Variants in PTPRN2 observed in about 807,000 individuals in gnomAD.
PTPRN2 encodes protein tyrosine phosphatase receptor type N2, also known as receptor-type tyrosine-protein phosphatase N2.
Under a neutral mutation model 118.8 loss-of-function variants are expected in PTPRN2, and 74 were observed. The ratio of observed to expected loss-of-function variants is 0.62; its 90% CI spans 0.52 to 0.76. The LOEUF (loss-of-function observed/expected upper bound fraction) is 0.76, where lower values mean the gene tolerates loss of function less well. Among genes scored for constraint, PTPRN2 ranks in the 30% least tolerant of loss-of-function variants. The probability of loss-of-function intolerance (pLI) is 0.00; values close to 1 mark genes in which losing one functional copy is unlikely to be tolerated. For missense variants in PTPRN2, 1,481 were observed against 1,394.4 expected (o/e 1.06, Z -0.99); for synonymous variants, 641 against 608.0 (o/e 1.05, Z -0.80).
intron 1 of PTPRN2, among the ~76,000 whole-genome samples, chr7:158,514,255 C>T (rs1823380771): frequency 6.6e-6 from 1 of 152,178 alleles, no homozygotes; most frequent in South Asian, 2.1e-4. Context: ...CCCCTGAAAA[C>T]ACAGCAGTAC....
At chr7:158,087,727 CTT>C (rs1813570709) in intron 10 of PTPRN2, among the ~76,000 whole-genome samples, 1 of 126,712 alleles carries the variant, frequency 7.9e-6, no homozygotes, top group African/African-American at 2.8e-5. Context: ...TCACACAAAC[CTT>C]CTTCCCTTGA....
chr7:158,448,297 A>G (rs1817864612), intron 2 of PTPRN2, among the ~76,000 whole-genome samples: 1 of 152,246 alleles, frequency 6.6e-6, no homozygotes, highest in Admixed American at 6.5e-5. Flanking sequence ...TATTTATTAT[A>G]CATTTTCTAA....
intron 11 of PTPRN2, among the ~76,000 whole-genome samples, chr7:158,077,535 GTCA>G: frequency 3.9e-5 from 1 of 25,520 alleles, no homozygotes; most frequent in Admixed American, 3.8e-4. Context: ...ACCATTCAGG[GTCA>G]GCACAGGAGC....
intron 3 of PTPRN2, among the ~76,000 whole-genome samples, chr7:158,257,212 C>A (rs1369698688): frequency 6.6e-6 from 1 of 152,194 alleles, no homozygotes; most frequent in Non-Finnish European, 1.5e-5. Flanking sequence ...TGTGGAGAGA[C>A]CCGGGCACAC....
chr7:158,507,234 C>G (rs1009114237), intron 1 of PTPRN2, among the ~76,000 whole-genome samples: 1 of 150,648 alleles, frequency 6.6e-6, no homozygotes, highest in Admixed American at 6.6e-5. Flanking sequence ...AAATTGCACA[C>G]AGAGAGGTCA....
intron 3 of PTPRN2, among the ~76,000 whole-genome samples, chr7:158,223,281 T>C (rs1398185289): frequency 6.6e-6 from 1 of 152,152 alleles, no homozygotes; most frequent in African/African-American, 2.4e-5. Context: ...ATAAATATCT[T>C]CCAGAAAATA....
At chr7:158,188,130 C>T (rs1231925170) in intron 5 of PTPRN2, among the ~76,000 whole-genome samples, 2 of 146,914 alleles carry the variant, frequency 1.4e-5, no homozygotes, top group African/African-American at 5.0e-5. Flanking sequence ...TGTCCTAGTG[C>T]AGAGGCAGCC....
chr7:158,240,489 C>T (rs1389049044), intron 3 of PTPRN2, among the ~76,000 whole-genome samples: 1 of 152,172 alleles, frequency 6.6e-6, no homozygotes, highest in Admixed American at 6.5e-5. Context: ...AGTGCAGTAG[C>T]GTGATCTCAG....
chr7:157,998,833 A>G (rs965426704), intron 11 of PTPRN2, among the ~76,000 whole-genome samples: 2 of 151,920 alleles, frequency 1.3e-5, no homozygotes, highest in East Asian at 3.9e-4. Flanking sequence ...AAAAAAAAAA[A>G]AAAACTCTAC....
At chr7:157,766,271 C>T (rs1474452261) in intron 12 of PTPRN2, among the ~76,000 whole-genome samples, 1 of 151,278 alleles carries the variant, frequency 6.6e-6, no homozygotes, top group Non-Finnish European at 1.5e-5. Flanking sequence ...TCCATCCTTC[C>T]ATCCATTCAC....
intron 6 of PTPRN2, among the ~76,000 whole-genome samples, chr7:158,151,720 C>G (rs188898930): frequency 6.6e-6 from 1 of 152,144 alleles, no homozygotes; most frequent in Non-Finnish European, 1.5e-5. Flanking sequence ...CTCCCTCCCT[C>G]CCTTGCTAGC....
At chr7:158,421,601 A>G (rs1439582299) in intron 2 of PTPRN2, among the ~76,000 whole-genome samples, 1 of 152,194 alleles carries the variant, frequency 6.6e-6, no homozygotes, top group Non-Finnish European at 1.5e-5. Context: ...TGCTTTTAGG[A>G]CAGCTGGGTA....
intron 1 of PTPRN2, among the ~76,000 whole-genome samples, chr7:158,491,983 C>G (rs936702467): frequency 2.0e-5 from 3 of 152,172 alleles, no homozygotes; most frequent in Admixed American, 2.0e-4. Context: ...AGACACCACT[C>G]CCCACAAAAG....
At chr7:158,020,883 T>C (rs546434316) in intron 11 of PTPRN2, among the ~76,000 whole-genome samples, 1 of 152,274 alleles carries the variant, frequency 6.6e-6, no homozygotes, top group South Asian at 2.1e-4. Flanking sequence ...GCCGGAAGTG[T>C]GGATGCCGTC....
intron 1 of PTPRN2, chr7:158,541,861 A>C (rs1430276151): frequency 2.1e-6 from 1 of 471,856 alleles, no homozygotes; most frequent in African/African-American, 2.1e-5. Context: ...CCTGCTTCCA[A>C]TTCAGGGAGC....
chr7:158,310,413 C>A (rs1024665986), intron 3 of PTPRN2, among the ~76,000 whole-genome samples: 1 of 152,234 alleles, frequency 6.6e-6, no homozygotes. Flanking sequence ...CACTATCGGA[C>A]GGTGGAGAAG....
At chr7:157,803,124 C>T (rs59763764) in intron 12 of PTPRN2, among the ~76,000 whole-genome samples, 2,049 of 152,108 alleles carry the variant, frequency 0.013, 41 homozygotes, top group African/African-American at 0.044. Flanking sequence ...GCCATCACAC[C>T]CAGCTAATTT....
At chr7:158,347,277 G>A (rs558260899) in intron 2 of PTPRN2, among the ~76,000 whole-genome samples, 137 of 152,252 alleles carry the variant, frequency 9.0e-4, no homozygotes, top group African/African-American at 3.1e-3. Flanking sequence ...TTTGTATGTG[G>A]TGAGAGATAA....
At chr7:158,452,404 C>T (rs534566040) in intron 2 of PTPRN2, among the ~76,000 whole-genome samples, 1 of 152,230 alleles carries the variant, frequency 6.6e-6, no homozygotes, top group South Asian at 2.1e-4. Context: ...CCCAGCGGGT[C>T]CTCCCCATCT....
Sources: gnomAD v4.1 joint callset for allele counts (sites outside exome capture counted in the v4.1 genomes callset) on GRCh38, gnomAD v4.1.1 for gene constraint, MANE v1.5 for transcripts, NCBI Gene and HGNC (gene_info 2026-07-23, HGNC 2026-07-21) for gene names.